Variants in COL6A6 observed in about 807,000 individuals in gnomAD.
The protein encoded by COL6A6 is collagen type VI alpha 6 chain.
In COL6A6, 183 loss-of-function variants were observed where a neutral mutation model predicts 208.6. The ratio of observed to expected loss-of-function variants is 0.88; its 90% CI spans 0.78 to 0.99. COL6A6 has a LOEUF of 0.99. Among genes scored for constraint, COL6A6 ranks in the 50% least tolerant of loss-of-function variants. COL6A6 has a pLI of 0.00. For missense variants in COL6A6, 2,816 were observed against 2,815.2 expected, an observed-to-expected ratio of 1.00 and a Z score of -0.01; for synonymous variants, 973 against 1,011.8, an observed-to-expected ratio of 0.96 and a Z score of 0.73.
Position 130,661,753 on chromosome 3 carries a change from GA to G in COL6A6, c.5948del (p.Asp1983AlafsTer2). 1 of 1,613,872 alleles carries G rather than the reference GA, an allele frequency of 6.2e-7. No individual in the cohort carries two copies. Among genetic ancestry groups the G allele is most frequent in the South Asian group, 1.1e-5 (1 of 91,066 alleles). ...GAACATGGGAAGTGCTGAATTTGAAGACATAAGAGCCTTCCTTGGAGCACTA... is the reference window on the plus strand; with the variant it reads ...GAACATGGGAAGTGCTGAATTTGAAGCATAAGAGCCTTCCTTGGAGCACTA... Reference protein sequence around the residue: ...SRNMGSAEFEDIRAFLGALLD... With the variant: ...SRNMGSAEFEXIRAFLGALLD... On this transcript the variant is annotated frameshift_variant, in exon 35 of 37. Transcript: ENST00000358511. LOFTEE classifies it high-confidence loss of function.
chr3:130,620,910 C>G (rs986434868), intron 23 of COL6A6, among the ~76,000 whole-genome samples: 1 of 152,140 alleles, frequency 6.6e-6, no homozygotes, highest in Non-Finnish European at 1.5e-5. Context: ...TACCTGTAAA[C>G]AGTTGTACCA....
At chr3:130,564,120 C>A (rs2062960891) in intron 3 of COL6A6, among the ~76,000 whole-genome samples, 2 of 152,214 alleles carry the variant, frequency 1.3e-5, no homozygotes, top group Non-Finnish European at 2.9e-5. Context: ...CAAAAAAGAA[C>A]TTATATATAT....
At chr3:130,545,477 G>A (rs1234581471) in intron 1 of COL6A6, among the ~76,000 whole-genome samples, 1 of 143,536 alleles carries the variant, frequency 7.0e-6, no homozygotes, top group Non-Finnish European at 1.5e-5. Flanking sequence ...TTTTTAGATG[G>A]GATTTCTCTC....
chr3:130,646,201 A>G (rs1290231852), intron 32 of COL6A6, among the ~76,000 whole-genome samples: 1 of 152,168 alleles, frequency 6.6e-6, no homozygotes, highest in Admixed American at 6.5e-5. Context: ...TCCTGGGATA[A>G]TGTAAGGGGG....
At position 130,568,066 on chromosome 3, in the gene COL6A6, T is replaced by C; in HGVS notation, c.1863T>C (p.Ala621=). Residue 621 remains alanine (A), a synonymous_variant, in exon 6 of 37, where the codon GCT becomes GCC. Transcript: ENST00000358511. ...ATGCAGCTTGCAAAGAGATGAAAGC[T>C]GACATCATGTTTCTGGTGGACAGTT... is the stretch of plus-strand genomic sequence containing the variant. ...CTEEACKEMK[A]DIMFLVDSSG... is the part of the protein sequence containing the mutation. The C allele has an allele frequency of 6.2e-7, 1 of 1,610,406 alleles. No individual in the cohort carries two copies. The highest frequency in any genetic ancestry group is 8.5e-7 in the Non-Finnish European group (1 of 1,178,164).
chr3:130,646,643 A>C (rs964696185), intron 32 of COL6A6, among the ~76,000 whole-genome samples: 1 of 152,354 alleles, frequency 6.6e-6, no homozygotes, highest in Non-Finnish European at 1.5e-5. Context: ...AAAGGCCATG[A>C]AACAGAACAG....
intron 35 of COL6A6, among the ~76,000 whole-genome samples, chr3:130,664,142 T>C (rs562115906): frequency 5.3e-5 from 8 of 152,340 alleles, no homozygotes; most frequent in Admixed American, 2.0e-4. Flanking sequence ...TAGAGTTGAC[T>C]ATCAAGCACA....
At position 130,559,127 on chromosome 3, in the gene COL6A6, C is replaced by T. The variant is rs575891479; in HGVS notation, c.-31-1207C>T. 4.6e-5 allele frequency among the ~76,000 whole-genome samples: 7 copies of T among 152,252 alleles called. No homozygotes were observed. In the South Asian group the frequency reaches 8.3e-4, roughly 18 times the overall value. On this transcript the variant is annotated intron_variant, in intron 1 of 36. Transcript: ENST00000358511. The stretch of plus-strand genomic sequence containing the variant: ...GGCAGGGCTCATAGTGAAAGCTCAA[C>T]AAATGGCAGAATTTATTATTTATTG...
chr3:130,591,455 T>A (rs1375409220), intron 13 of COL6A6, among the ~76,000 whole-genome samples: 2 of 152,206 alleles, frequency 1.3e-5, no homozygotes, highest in Non-Finnish European at 2.9e-5. Flanking sequence ...TCATTCATCC[T>A]TCCTTCCTCC....
At position 130,565,164 on chromosome 3, in the gene COL6A6, A is replaced by G; in HGVS notation, c.832A>G (p.Lys278Glu). The G allele has an allele frequency of 5.0e-6, 8 of 1,614,050 alleles. No individual in the cohort carries two copies. The highest frequency in any genetic ancestry group is 6.8e-6 in the Non-Finnish European group (8 of 1,179,876). The change falls in exon 4 of 37, where the codon AAA becomes GAA. Residue 278 changes from lysine to glutamate, a missense_variant. Coordinates refer to ENST00000358511, the MANE Select transcript of COL6A6 (RefSeq NM_001102608.3). ...VGLVAYSNET[K>E]VINSLSMGIN... is the part of the protein sequence containing the mutation. Reference sequence around the variant, plus strand: ...CCTTGTGGCCTATAGCAATGAGACAAAAGTGATAAATTCACTGAGCATGGG... The same window carrying G: ...CCTTGTGGCCTATAGCAATGAGACAGAAGTGATAAATTCACTGAGCATGGG...
intron 2 of COL6A6, among the ~76,000 whole-genome samples, chr3:130,561,882 G>A (rs2062896970): frequency 6.6e-6 from 1 of 151,770 alleles, no homozygotes; most frequent in South Asian, 2.1e-4. Context: ...TCGATCTCCT[G>A]ACCTCATGAT....
intron 1 of COL6A6, among the ~76,000 whole-genome samples, chr3:130,545,658 T>A (rs1003209261): frequency 6.6e-6 from 1 of 152,178 alleles, no homozygotes; most frequent in Admixed American, 6.5e-5. Context: ...GGTTTCACCA[T>A]GTTGGCCAGG....
At chr3:130,571,666 T>G (rs1321008956) in intron 7 of COL6A6, among the ~76,000 whole-genome samples, 1 of 151,238 alleles carries the variant, frequency 6.6e-6, no homozygotes, top group East Asian at 1.9e-4. Flanking sequence ...AGTTGTTTTG[T>G]TTTGTTTTGT....
At chr3:130,648,931 T>A (rs1051845690) in intron 32 of COL6A6, 138 bp from the exon 33 acceptor site, 2 of 680,006 alleles carry the variant, frequency 2.9e-6, no homozygotes, top group African/African-American at 3.7e-5. Flanking sequence ...TTTAAATATA[T>A]TTTACATGTT....
intron 1 of COL6A6, among the ~76,000 whole-genome samples, chr3:130,531,101 C>T (rs2062084318): frequency 6.6e-6 from 1 of 151,766 alleles, no homozygotes. Flanking sequence ...GCCACTCACA[C>T]ATTGCCTTTC....
At chr3:130,592,792 T>G in intron 15 of COL6A6, 70 bp downstream of exon 15, 1 of 1,385,854 alleles carries the variant, frequency 7.2e-7, no homozygotes, top group Non-Finnish European at 1.0e-6. Flanking sequence ...TTGAGATTAT[T>G]TATCAGTAAA....
In COL6A6 at chr3:130,570,959, T is replaced by C. The variant is rs369240244; in HGVS notation, c.2543T>C (p.Phe848Ser). ...GATGTGGGCAAGAATCAGGTCCGGTTTGGGGCTCTGAAGTATGCTGATGAC... is the reference window on the plus strand; with the variant it reads ...GATGTGGGCAAGAATCAGGTCCGGTCTGGGGCTCTGAAGTATGCTGATGAC... ...KADVGKNQVR[F>S]GALKYADDPE... is the part of the protein sequence containing the mutation. Residue 848 changes from phenylalanine (F) to serine (S), a missense_variant, in exon 7 of 37, where the codon TTT becomes TCT. Coordinates refer to ENST00000358511, the MANE Select transcript of COL6A6 (RefSeq NM_001102608.3). 4 of 1,614,004 alleles carry C rather than the reference T, an allele frequency of 2.5e-6. No homozygotes were observed. Among genetic ancestry groups the C allele is most frequent in the Non-Finnish European group, 3.4e-6 (4 of 1,179,884 alleles).
chr3:130,643,929 C>CA (rs2065390232), intron 31 of COL6A6, among the ~76,000 whole-genome samples: 1 of 152,154 alleles, frequency 6.6e-6, no homozygotes, highest in Admixed American at 6.5e-5. Flanking sequence ...AATCAAAACA[C>CA]ATGTATACAT....
chr3:130,551,401 T>G (rs145208911), intron 1 of COL6A6, among the ~76,000 whole-genome samples: 27 of 152,292 alleles, frequency 1.8e-4, no homozygotes, highest in African/African-American at 5.5e-4. Flanking sequence ...TTGGGAAGAT[T>G]GTATGTGTCC....
Sources: gnomAD v4.1 joint callset for allele counts (sites outside exome capture counted in the v4.1 genomes callset) on GRCh38, gnomAD v4.1.1 for gene constraint, MANE v1.5 for transcripts, NCBI Gene and HGNC (gene_info 2026-07-23, HGNC 2026-07-21) for gene names.